Variants in PARD3B observed in about 807,000 individuals in gnomAD.
PARD3B encodes partitioning defective 3 homolog B.
A neutral mutation model predicts 130.2 loss-of-function variants in PARD3B; 103 were observed. That is an observed-to-expected ratio of 0.79 (90% confidence interval 0.67 to 0.93). PARD3B has a LOEUF of 0.93. Among genes scored for constraint, PARD3B ranks in the 40% least tolerant of loss-of-function variants. The pLI is 0.00. For missense variants in PARD3B, 1,609 were observed against 1,499.2 expected (o/e 1.07, Z -1.21); for synonymous variants, 583 against 553.2 (o/e 1.05, Z -0.76).
At chr2:204,747,581 A>G (rs2040294163) in intron 2 of PARD3B, among the ~76,000 whole-genome samples, 1 of 152,054 alleles carries the variant, frequency 6.6e-6, no homozygotes, top group Non-Finnish European at 1.5e-5. Context: ...GAAAAACCCA[A>G]AGTTCATATG....
chr2:205,201,818 C>T (rs1366867859), intron 15 of PARD3B, among the ~76,000 whole-genome samples: 3 of 152,032 alleles, frequency 2.0e-5, no homozygotes, highest in Admixed American at 1.3e-4. Context: ...GCCTGGGCAA[C>T]GAGAGTGAAA....
At position 205,217,432 on chromosome 2, in the gene PARD3B, C is replaced by T. The variant is rs536136998; in HGVS notation, c.2140+24112C>T. On this transcript the variant is annotated intron_variant, in intron 15 of 22. Transcript: ENST00000406610. The stretch of plus-strand genomic sequence containing the variant: ...CAATGTCCTGATTCTCTGTCCACTG[C>T]CAAAGTCAAGCTTGGCCAATTATAT... Among the ~76,000 whole-genome samples the T allele has an allele frequency of 1.2e-4, 19 of 152,152 alleles. No individual in the cohort carries two copies. In the South Asian group the frequency reaches 2.7e-3, roughly 22 times the overall value.
At chr2:205,478,926 G>C (rs776410063) in intron 20 of PARD3B, among the ~76,000 whole-genome samples, 1 of 152,106 alleles carries the variant, frequency 6.6e-6, no homozygotes, top group Non-Finnish European at 1.5e-5. Context: ...ATTACTGCTT[G>C]GCTAGACAAT....
intron 3 of PARD3B, among the ~76,000 whole-genome samples, chr2:204,997,351 C>G (rs1460125836): frequency 6.6e-6 from 1 of 152,176 alleles, no homozygotes; most frequent in Non-Finnish European, 1.5e-5. Context: ...GGCATTCTTA[C>G]AATACTGAGT....
At chr2:205,110,360 A>C (rs1407165162) in intron 5 of PARD3B, among the ~76,000 whole-genome samples, 1 of 152,204 alleles carries the variant, frequency 6.6e-6, no homozygotes, top group Non-Finnish European at 1.5e-5. Flanking sequence ...TGACAGTCTC[A>C]TTTTTAGACC....
intron 2 of PARD3B, among the ~76,000 whole-genome samples, chr2:204,789,109 T>C (rs1468293900): frequency 6.6e-6 from 1 of 152,130 alleles, no homozygotes; most frequent in African/African-American, 2.4e-5. Flanking sequence ...CAGGCTGGAG[T>C]GAAGTGGTGC....
intron 10 of PARD3B, among the ~76,000 whole-genome samples, chr2:205,139,209 G>A (rs6757073): frequency 2.0e-5 from 3 of 151,686 alleles, no homozygotes; most frequent in African/African-American, 7.3e-5. Context: ...AAGGCTCAAC[G>A]TGCAGGCACC....
chr2:205,295,688 G>A (rs1460585577), intron 16 of PARD3B, among the ~76,000 whole-genome samples: 2 of 152,048 alleles, frequency 1.3e-5, no homozygotes, highest in Non-Finnish European at 2.9e-5. Context: ...CTGGTCTTCT[G>A]GATTAAGACA....
chr2:205,195,703 C>G (rs2036644266), intron 15 of PARD3B, among the ~76,000 whole-genome samples: 1 of 152,056 alleles, frequency 6.6e-6, no homozygotes, highest in African/African-American at 2.4e-5. Context: ...CTAGCAGGAT[C>G]TTGATTCTTT....
chr2:205,137,845 G>A (rs1410527092), intron 10 of PARD3B, among the ~76,000 whole-genome samples: 1 of 152,206 alleles, frequency 6.6e-6, no homozygotes, highest in Non-Finnish European at 1.5e-5. Flanking sequence ...GACAACAAAA[G>A]CAGAAGATGT....
rs764708273 is a variant in PARD3B at position 204,967,856 on chromosome 2, G to A, written c.394+2533G>A. Among the ~76,000 whole-genome samples the A allele has an allele frequency of 1.3e-5, 2 of 152,152 alleles. No homozygotes were observed. The highest frequency in any genetic ancestry group is 2.9e-5 in the Non-Finnish European group (2 of 68,038). ...GGCAGTATTGATGGCACTTCTGGGA[G>A]TGTGACCTGGCTGTCCTGTCTGGTC... On this transcript the variant is annotated intron_variant, in intron 3 of 22. Coordinates refer to ENST00000406610, the MANE Select transcript of PARD3B (RefSeq NM_001302769.2). This position sits in a 1 kb window ranked among gnomAD's most constrained non-coding sequence, Gnocchi z 4.4.
At chr2:204,643,871 C>T (rs978550955) in intron 1 of PARD3B, among the ~76,000 whole-genome samples, 16 of 152,162 alleles carry the variant, frequency 1.1e-4, no homozygotes, top group East Asian at 5.8e-4. Flanking sequence ...ACTAGTCCCT[C>T]CTGAAGCTAA....
At chr2:205,546,437 G>C (rs2052383710) in intron 21 of PARD3B, among the ~76,000 whole-genome samples, 1 of 152,010 alleles carries the variant, frequency 6.6e-6, no homozygotes, top group Non-Finnish European at 1.5e-5. Flanking sequence ...ATGATACCAA[G>C]TAAGATAAAG....
intron 1 of PARD3B, among the ~76,000 whole-genome samples, chr2:204,568,954 G>GAAAA (rs368465299): frequency 0.015 from 2,184 of 143,358 alleles, 75 homozygotes; most frequent in African/African-American, 0.056. Flanking sequence ...GACTGTCTCA[G>GAAAA]GAAAAAAAAA....
intron 18 of PARD3B, among the ~76,000 whole-genome samples, chr2:205,328,105 T>C (rs925719767): frequency 6.6e-6 from 1 of 152,112 alleles, no homozygotes; most frequent in African/African-American, 2.4e-5. Flanking sequence ...TACCACCAAA[T>C]TAGACATTTT....
rs2054417322 is a variant in PARD3B at position 205,592,368 on chromosome 2, C to G, written c.3261-23088C>G. ...GAGAGAAAGGGATGAGGCTGAAACT[C>G]AAATGAGTACCCATTTAAAGAAAAG... On this transcript the variant is annotated intron_variant, in intron 22 of 22. Coordinates refer to ENST00000406610, the MANE Select transcript of PARD3B (RefSeq NM_001302769.2). The surrounding 1 kb of genome is among the most constrained non-coding windows in gnomAD (Gnocchi z 4.5). Among the ~76,000 whole-genome samples the G allele has an allele frequency of 2.0e-5, 3 of 152,126 alleles. No homozygotes were observed. Among genetic ancestry groups the G allele is most frequent in the Admixed American group, 6.5e-5 (1 of 15,270 alleles).
chr2:205,003,263 C>T (rs1490676259), intron 3 of PARD3B, among the ~76,000 whole-genome samples: 1 of 152,182 alleles, frequency 6.6e-6, no homozygotes, highest in Non-Finnish European at 1.5e-5. Context: ...CAGTCTTCCT[C>T]TGCTAAGGTC....
At position 205,176,563 on chromosome 2, in the gene PARD3B, A is replaced by C; in HGVS notation, c.1910A>C (p.Gln637Pro). The C allele has an allele frequency of 6.2e-7, 1 of 1,610,228 alleles. No individual in the cohort carries two copies. Among genetic ancestry groups the C allele is most frequent in the Non-Finnish European group, 8.5e-7 (1 of 1,178,344 alleles). Reference protein sequence around the residue: ...ILHPLGTCSPQDKQKGLLLPN... With the variant: ...ILHPLGTCSPPDKQKGLLLPN... ...CATCCACTTGGCACTTGCAGTCCACAAGACAAACAGAAAGGTAAGAGTCTA... is the reference window on the plus strand; with the variant it reads ...CATCCACTTGGCACTTGCAGTCCACCAGACAAACAGAAAGGTAAGAGTCTA... The change falls in exon 13 of 23, where the codon CAA (glutamine) becomes CCA (proline). Residue 637 changes from glutamine to proline, a missense_variant. Gln to Pro is a moderately conservative substitution (Grantham distance 76). Transcript: ENST00000406610. This position sits in a 1 kb window ranked among gnomAD's most constrained non-coding sequence, Gnocchi z 5.3.
intron 3 of PARD3B, among the ~76,000 whole-genome samples, chr2:205,036,848 A>G (rs1697961426): frequency 6.6e-6 from 1 of 151,642 alleles, no homozygotes; most frequent in South Asian, 2.1e-4. Context: ...AAAAACATAT[A>G]TAGTGGACTG....
Sources: allele counts gnomAD v4.1 joint callset (sites outside exome capture counted in the v4.1 genomes callset), GRCh38; gene constraint gnomAD v4.1.1; non-coding constraint Gnocchi (gnomAD v3.1); transcripts MANE v1.5; gene names NCBI Gene and HGNC (gene_info 2026-07-23, HGNC 2026-07-21).